The following STS variants were observed in gnomAD, a reference collection of about 807,000 sequenced individuals.
The protein encoded by STS is steryl-sulfatase.
In STS, 7 loss-of-function variants were observed where a neutral mutation model predicts 26.8. The observed-to-expected ratio is 0.26, with a 90% confidence interval of 0.15 to 0.49. The LOEUF (loss-of-function observed/expected upper bound fraction) is 0.49. Ranked by LOEUF, STS falls within the 20% of genes least tolerant of loss-of-function variation. The pLI is 0.98. For synonymous variants in STS, 199 were observed against 189.4 expected (o/e 1.05, Z -0.42); for missense variants, 434 against 465.6 (o/e 0.93, Z 0.63).
intron 10 of STS, among the ~76,000 whole-genome samples, chrX:7,349,230 C>G (rs1928661999): frequency 1.0e-5 from 1 of 98,020 alleles, no homozygotes; most frequent in Non-Finnish European, 2.0e-5. Flanking sequence ...TACCTAGGCT[C>G]AAGGCTCAAG....
chrX:7,259,266 C>T, intron 5 of STS, 83 bp from the exon 6 acceptor site: 1 of 992,504 alleles, frequency 1.0e-6, no homozygotes, highest in Non-Finnish European at 1.4e-6. Context: ...AAAGAACCTC[C>T]TTTTCAGCAT....
Position 7,350,092 on chromosome X carries a change from A to G in STS, c.1568A>G (p.Lys523Arg), listed in dbSNP as rs377643011. 3.3e-6 allele frequency: 4 copies of G among 1,210,350 alleles called. No individual in the cohort carries two copies. Among genetic ancestry groups the G allele is most frequent in the Non-Finnish European group, 4.5e-6 (4 of 895,221 alleles). ...GAGCCCCGGTTTTATGAAATCCTCAAAGTCATGCAGGAAGCTGCGGACAGA... is the reference window on the plus strand; with the variant it reads ...GAGCCCCGGTTTTATGAAATCCTCAGAGTCATGCAGGAAGCTGCGGACAGA... ...ASEPRFYEIL[K>R]VMQEAADRHT... The change falls in exon 11 of 11, where the codon AAA (lysine) becomes AGA (arginine). Residue 523 changes from lysine (K) to arginine (R), a missense_variant. By Grantham distance (26) the Lys-to-Arg change is conservative (BLOSUM62 2). This residue lies in a region of STS where 205 missense variants were observed against 177.3 expected (regional missense o/e 1.16). Coordinates refer to ENST00000674429, the MANE Select transcript of STS (RefSeq NM_001320752.2).
chrX:7,265,079 A>T (rs1353909103), intron 6 of STS, among the ~76,000 whole-genome samples: 1 of 98,712 alleles, frequency 1.0e-5, no homozygotes, highest in Non-Finnish European at 2.0e-5. Flanking sequence ...TTCATGATGT[A>T]TCAATGGGTC....
chrX:7,340,231 A>G (rs746036926), intron 10 of STS, among the ~76,000 whole-genome samples: 51 of 110,702 alleles, frequency 4.6e-4, no homozygotes, highest in African/African-American at 1.6e-3. Context: ...TATTTTACAC[A>G]TCTCTTTTCC....
At chrX:7,220,952 C>T (rs776788986) in intron 2 of STS, among the ~76,000 whole-genome samples, 22 of 111,504 alleles carry the variant, frequency 2.0e-4, no homozygotes, top group East Asian at 5.7e-4. Context: ...AAAAATATTC[C>T]GACTCTGGTC....
intron 10 of STS, among the ~76,000 whole-genome samples, chrX:7,338,450 A>G (rs1243249645): frequency 8.9e-6 from 1 of 112,386 alleles, no homozygotes; most frequent in Non-Finnish European, 1.9e-5. Context: ...TTGTACAGAC[A>G]TATATGGAAT....
intron 7 of STS, among the ~76,000 whole-genome samples, chrX:7,281,831 A>T (rs1176573219): frequency 8.9e-6 from 1 of 112,353 alleles, no homozygotes; most frequent in Non-Finnish European, 1.9e-5. Context: ...GATTAAAATG[A>T]TTGTGAAAGT....
chrX:7,206,316 T>G (rs1338924678), intron 2 of STS, among the ~76,000 whole-genome samples: 1 of 112,535 alleles, frequency 8.9e-6, no homozygotes. Flanking sequence ...TGGCTTTTTG[T>G]TCCAGTTCTC....
chrX:7,206,747 G>C (rs1392577419), intron 2 of STS, among the ~76,000 whole-genome samples: 1 of 112,038 alleles, frequency 8.9e-6, no homozygotes, highest in African/African-American at 3.2e-5. Flanking sequence ...GTACTAACCT[G>C]AAAGCTATGC....
At chrX:7,178,275 G>T (rs1248392086) in intron 1 of STS, among the ~76,000 whole-genome samples, 1 of 112,176 alleles carries the variant, frequency 8.9e-6, no homozygotes, top group African/African-American at 3.2e-5. Context: ...CCTTTCCCTT[G>T]ATTGTTCGAT....
At chrX:7,244,867 C>A (rs1922790799) in intron 2 of STS, among the ~76,000 whole-genome samples, 1 of 111,881 alleles carries the variant, frequency 8.9e-6, no homozygotes, top group African/African-American at 3.3e-5. Context: ...AAAACATGTT[C>A]TCATGTTATT....
Position 7,176,376 on chromosome X carries a change from G to A in STS, c.-133-14504G>A, listed in dbSNP as rs1345019448. 3.6e-5 allele frequency among the ~76,000 whole-genome samples: 4 copies of A among 111,490 alleles called. No individual in the cohort carries two copies. In the South Asian group the frequency reaches 1.1e-3, roughly 32 times the overall value. Reference sequence around the variant, plus strand: ...AAAACCGACTAATACTGAGATAGCCGGCATACTCCAGCAGCTGGGTTTTAG... The same window carrying A: ...AAAACCGACTAATACTGAGATAGCCAGCATACTCCAGCAGCTGGGTTTTAG... On this transcript the variant is annotated intron_variant, in intron 1 of 10. Coordinates refer to ENST00000674429, the MANE Select transcript of STS (RefSeq NM_001320752.2).
At chrX:7,239,496 T>A (rs1922488746) in intron 2 of STS, among the ~76,000 whole-genome samples, 2 of 112,360 alleles carry the variant, frequency 1.8e-5, no homozygotes, top group South Asian at 7.3e-4. Flanking sequence ...AATTTTCTTC[T>A]AATGAACAAA....
At chrX:7,257,882 A>G (rs1222886330) in intron 5 of STS, among the ~76,000 whole-genome samples, 1 of 111,010 alleles carries the variant, frequency 9.0e-6, no homozygotes, top group Non-Finnish European at 1.9e-5. Flanking sequence ...GTTATACCTA[A>G]TGATAGATGG....
intron 10 of STS, among the ~76,000 whole-genome samples, chrX:7,349,639 G>A (rs1426752737): frequency 4.5e-5 from 5 of 110,824 alleles, no homozygotes. Flanking sequence ...TGGACTTTCT[G>A]GAAACTGAGA....
At chrX:7,305,207 G>C in intron 8 of STS, 24 bp downstream of exon 8, 1 of 1,208,640 alleles carries the variant, frequency 8.3e-7, no homozygotes, top group South Asian at 1.8e-5. Context: ...GGATGGAGAA[G>C]CTCTGGCCTC....
intron 1 of STS, among the ~76,000 whole-genome samples, chrX:7,155,221 T>TA (rs1933108664): frequency 8.9e-6 from 1 of 111,970 alleles, no homozygotes; most frequent in Non-Finnish European, 1.9e-5. Context: ...GACCATCACA[T>TA]ATGCTCTTTA....
intron 1 of STS, among the ~76,000 whole-genome samples, chrX:7,169,807 C>A (rs930143146): frequency 9.3e-6 from 1 of 107,284 alleles, no homozygotes; most frequent in Non-Finnish European, 1.9e-5. Flanking sequence ...GTTTGCCCTG[C>A]AGCCTGTTGG....
At chrX:7,343,545 C>T (rs1928387231) in intron 10 of STS, among the ~76,000 whole-genome samples, 1 of 111,987 alleles carries the variant, frequency 8.9e-6, no homozygotes, top group Non-Finnish European at 1.9e-5. Context: ...TTATTATGAA[C>T]ATTTAACAGA....
Sources: gnomAD v4.1 joint callset for allele counts (sites outside exome capture counted in the v4.1 genomes callset) on GRCh38, gnomAD v4.1.1 for gene constraint, gnomAD v4.1.1 regional missense constraint, MANE v1.5 for transcripts, NCBI Gene and HGNC (gene_info 2026-07-23, HGNC 2026-07-21) for gene names.